Variants in ACAP1 observed in about 807,000 individuals in gnomAD.
ACAP1 encodes the protein ArfGAP with coiled-coil, ankyrin repeat and PH domains 1, also known as arf-GAP with coiled-coil, ANK repeat and PH domain-containing protein 1.
In ACAP1, 45 loss-of-function variants were observed where a neutral mutation model predicts 98.8. That is an observed-to-expected ratio of 0.46 (90% confidence interval 0.36 to 0.58). ACAP1 has a LOEUF of 0.58. Ranked by LOEUF, ACAP1 falls within the 20% of genes least tolerant of loss-of-function variation. The probability of loss-of-function intolerance (pLI) is 0.00; values close to 1 mark genes in which losing one functional copy is unlikely to be tolerated. For synonymous variants in ACAP1, 362 were observed against 375.3 expected (o/e 0.96, Z 0.41); for missense variants, 735 against 971.4 (o/e 0.76, Z 3.24).
Position 7,346,865 on chromosome 17 carries a change from G to A in ACAP1, c.1065G>A (p.Val355=). 1.2e-6 allele frequency: 2 copies of A among 1,613,680 alleles called. No homozygotes were observed. The highest frequency in any genetic ancestry group is 1.7e-6 in the Non-Finnish European group (2 of 1,179,650). ...TCCTGCAGCTGTGGGTCAGTGCTGT[G>A]CAGAGCAGCATTGCTTCTGCCTTCA... ...ERLLQLWVSA[V]QSSIASAFSQ... The change falls in exon 13 of 22, where the codon GTG becomes GTA. Residue 355 remains valine, a synonymous_variant. Coordinates refer to ENST00000158762, the MANE Select transcript of ACAP1 (RefSeq NM_014716.4).
In ACAP1 at chr17:7,344,665, C is replaced by T; in HGVS notation, c.854+17C>T. 6.6e-7 allele frequency: 1 copy of T among 1,519,948 alleles called. No homozygotes were observed. The highest frequency in any genetic ancestry group is 8.9e-7 in the Non-Finnish European group (1 of 1,118,238). 94.2% of individuals were successfully genotyped at this position (1,519,948 alleles called of 1,614,324 possible). A position where few individuals can be genotyped will look rare whatever the true frequency, so the allele number is the denominator to read the frequency against. On this transcript the variant is annotated intron_variant, in intron 10 of 21. Transcript: ENST00000158762. The surrounding 1 kb of genome is among the most constrained non-coding windows in gnomAD (Gnocchi z 4.9). The stretch of plus-strand genomic sequence containing the variant: ...CTGGAGCAGGTGAGGAGAGGACACC[C>T]CCAATCAGCCCGCCCCACCCAATGA...
chr17:7,346,639 A>G (rs2073349257), intron 12 of ACAP1, 148 bp downstream of exon 12: 1 of 1,136,930 alleles, frequency 8.8e-7, no homozygotes, highest in Non-Finnish European at 1.3e-6. Flanking sequence ...ATTGTGGAAG[A>G]GGGTACAGGG....
At chr17:7,348,504 C>A in intron 17 of ACAP1, 29 bp downstream of exon 17, 1 of 1,454,102 alleles carries the variant, frequency 6.9e-7, no homozygotes, top group Non-Finnish European at 9.1e-7. Context: ...ATTCATTGAG[C>A]ATCTGCTGTG....
Position 7,343,541 on chromosome 17 carries a change from G to A in ACAP1, c.507G>A (p.Arg169=). ...LRTARAGYRG[R]ALDYALQINV... The stretch of plus-strand genomic sequence containing the variant: ...CGGCTCGAGCTGGGTACCGGGGACG[G>A]GCACTGGATTATGCCCTGCAGGTGC... The change falls in exon 6 of 22, where the codon CGG becomes CGA. Residue 169 remains arginine (R), a synonymous_variant. Coordinates refer to ENST00000158762, the MANE Select transcript of ACAP1 (RefSeq NM_014716.4). This position sits in a 1 kb window ranked among gnomAD's most constrained non-coding sequence, Gnocchi z 4.9. The A allele has an allele frequency of 6.2e-7, 1 of 1,613,618 alleles. No homozygotes were observed.
At position 7,343,516 on chromosome 17, in the gene ACAP1, C is replaced by T. The variant is rs149368483; in HGVS notation, c.482C>T (p.Thr161Met). ...GAAGAGGCAGGAGCTGCTTTGAGGA[C>T]GGCTCGAGCTGGGTACCGGGGACGG... The part of the protein sequence containing the change: ...EAEEAGAALR[T>M]ARAGYRGRAL... Residue 161 changes from threonine (T) to methionine (M), a missense_variant, in exon 6 of 22, where the codon ACG becomes ATG. Physicochemically the swap from Thr to Met is moderately conservative, Grantham distance 81 (BLOSUM62 -1). This residue lies in a region of ACAP1 where 430 missense variants were observed against 531.8 expected (regional missense o/e 0.81). Coordinates refer to ENST00000158762, the MANE Select transcript of ACAP1 (RefSeq NM_014716.4). The surrounding 1 kb of genome is among the most constrained non-coding windows in gnomAD (Gnocchi z 4.9). 39 of 1,613,948 alleles carry T rather than the reference C, an allele frequency of 2.4e-5. No homozygotes were observed. Among genetic ancestry groups the T allele is most frequent in the Admixed American group, 5.0e-5 (3 of 60,004 alleles).
At chr17:7,341,740 A>T (rs1375858119) in intron 2 of ACAP1, among the ~76,000 whole-genome samples, 3 of 152,210 alleles carry the variant, frequency 2.0e-5, no homozygotes, top group Non-Finnish European at 4.4e-5. Context: ...TTCAGGCCCA[A>T]GGCAGTGGGA....
Position 7,348,185 on chromosome 17 carries a change from C to T in ACAP1, c.1472C>T (p.Ala491Val). The T allele has an allele frequency of 5.6e-6, 9 of 1,614,050 alleles. No homozygotes were observed. The highest frequency in any genetic ancestry group is 7.6e-6 in the Non-Finnish European group (9 of 1,179,950). ...INQIYEARVEAMAVKKPGPSC... is the reference protein window; with the variant it reads ...INQIYEARVEVMAVKKPGPSC... ...CAGATCTATGAGGCCCGCGTGGAGG[C>T]CATGGCAGTGAAGAAACCAGGGCCC... Residue 491 changes from alanine to valine, a missense_variant, in exon 16 of 22, where the codon GCC becomes GTC. By Grantham distance (64) the Ala-to-Val change is moderately conservative. Coordinates refer to ENST00000158762, the MANE Select transcript of ACAP1 (RefSeq NM_014716.4).
intron 2 of ACAP1, among the ~76,000 whole-genome samples, chr17:7,339,060 G>A (rs1236854084): frequency 2.0e-5 from 3 of 150,356 alleles, no homozygotes; most frequent in Non-Finnish European, 3.0e-5. Context: ...GGAGGCCAAG[G>A]TGGGCGGATC....
chr17:7,344,674 C>T lies in ACAP1; in HGVS notation c.854+26C>T. The stretch of plus-strand genomic sequence containing the variant: ...GTGAGGAGAGGACACCCCCAATCAG[C>T]CCGCCCCACCCAATGATGTATTTTC... On this transcript the variant is annotated intron_variant, in intron 10 of 21. Transcript: ENST00000158762. This position sits in a 1 kb window ranked among gnomAD's most constrained non-coding sequence, Gnocchi z 4.9. 2 of 1,490,624 alleles carry T rather than the reference C, an allele frequency of 1.3e-6. No individual in the cohort carries two copies. The highest frequency in any genetic ancestry group is 1.8e-6 in the Non-Finnish European group (2 of 1,091,720). The allele number at this position is 1,490,624 out of a possible 1,614,324, so 92.3% of individuals were successfully genotyped here.
At position 7,339,279 on chromosome 17, in the gene ACAP1, G is replaced by T. The variant is rs138225929; in HGVS notation, c.111+1910G>T. On this transcript the variant is annotated intron_variant, in intron 2 of 21. Transcript: ENST00000158762. ...CACTCCAGCCTGGGCGACAGAGTGA[G>T]ACTGTCTCAATAAACAAAAACAAAC... is the stretch of plus-strand genomic sequence containing the variant. Among the ~76,000 whole-genome samples, 775 of 149,400 alleles carry T rather than the reference G, an allele frequency of 5.2e-3. 4 individuals are homozygous for T. Among genetic ancestry groups the T allele is most frequent in the African/African-American group, 0.018 (733 of 40,516 alleles).
At chr17:7,351,253 A>C (rs773151191) in intron 21 of ACAP1, 42 bp from the exon 22 acceptor site, 61 of 1,532,738 alleles carry the variant, frequency 4.0e-5, no homozygotes, top group Non-Finnish European at 5.4e-5. Flanking sequence ...GCCCTTCTGC[A>C]CTGGGGCCCA....
chr17:7,347,472 G>A (rs1190354418), intron 14 of ACAP1: 1 of 533,930 alleles, frequency 1.9e-6, no homozygotes, highest in African/African-American at 1.9e-5. Context: ...GGGATACCCA[G>A]AATTTGTTGG....
At position 7,336,547 on chromosome 17, in the gene ACAP1, G is replaced by T; in HGVS notation, c.-188G>T. 1 of 602,342 alleles carries T rather than the reference G, an allele frequency of 1.7e-6. No individual in the cohort carries two copies. The highest frequency in any genetic ancestry group is 3.0e-6 in the Non-Finnish European group (1 of 337,212). The allele number at this position is 602,342 out of a possible 1,614,324, so 37.3% of individuals were successfully genotyped here. A position where few individuals can be genotyped will look rare whatever the true frequency, so the allele number is the denominator to read the frequency against. ...CCCTCCCAGCACTGCCTGGAAGTGT[G>T]GGGTGAGAGCTCCTCCTAGGACACC... On this transcript the variant is annotated 5_prime_UTR_variant, in exon 1 of 22. Coordinates refer to ENST00000158762, the MANE Select transcript of ACAP1 (RefSeq NM_014716.4).
At chr17:7,342,362 T>C (rs766526172) in intron 4 of ACAP1, 34 bp downstream of exon 4, 1 of 1,613,960 alleles carries the variant, frequency 6.2e-7, no homozygotes, top group Middle Eastern at 1.6e-4. Flanking sequence ...GTCGGGGTGG[T>C]GGCCAGGTCA....
At chr17:7,342,811 G>C in intron 5 of ACAP1, 1 of 368,066 alleles carries the variant, frequency 2.7e-6, no homozygotes, top group Non-Finnish European at 5.1e-6. Context: ...AGGAGGCCGA[G>C]GCAGGAGAAT....
intron 2 of ACAP1, among the ~76,000 whole-genome samples, chr17:7,341,573 A>G (rs1034347995): frequency 6.6e-6 from 1 of 152,222 alleles, no homozygotes; most frequent in African/African-American, 2.4e-5. Context: ...AACCAGGTAG[A>G]GCATCCAGAC....
intron 16 of ACAP1, 29 bp downstream of exon 16, chr17:7,348,250 A>C: frequency 6.2e-7 from 1 of 1,611,496 alleles, no homozygotes; most frequent in South Asian, 1.1e-5. Context: ...CTCCCAGGGG[A>C]ATGGGGGACC....
Position 7,343,149 on chromosome 17 carries a change from A to G in ACAP1, c.345-230A>G. The stretch of plus-strand genomic sequence containing the variant: ...GTGAGATGGGAGAGAAGGGGGCCTT[A>G]TTTCTCGGAAACCAGCCCTGCTGCC... On this transcript the variant is annotated intron_variant, in intron 5 of 21. Transcript: ENST00000158762. The surrounding 1 kb of genome is among the most constrained non-coding windows in gnomAD (Gnocchi z 4.9). The G allele has an allele frequency of 4.2e-6, 2 of 475,672 alleles. No homozygotes were observed. The highest frequency in any genetic ancestry group is 7.4e-6 in the Non-Finnish European group (2 of 270,636). The allele number at this position is 475,672 out of a possible 1,614,324, so 29.5% of individuals were successfully genotyped here.
In ACAP1 at chr17:7,343,570, C is replaced by T; in HGVS notation, c.528+8C>T. 6.2e-7 allele frequency: 1 copy of T among 1,607,616 alleles called. No homozygotes were observed. Among genetic ancestry groups the T allele is most frequent in the Non-Finnish European group, 8.5e-7 (1 of 1,175,570 alleles). ...CTGGATTATGCCCTGCAGGTGCCTG[C>T]CCCAATCTGTCTTCCTGGGGTACCA... On this transcript the variant is annotated splice_region_variant and intron_variant, in intron 6 of 21. Coordinates refer to ENST00000158762, the MANE Select transcript of ACAP1 (RefSeq NM_014716.4). The surrounding 1 kb of genome is among the most constrained non-coding windows in gnomAD (Gnocchi z 4.9).
Sources: gnomAD v4.1 joint callset for allele counts (sites outside exome capture counted in the v4.1 genomes callset) on GRCh38, gnomAD v4.1.1 for gene constraint, gnomAD v4.1.1 regional missense constraint, Gnocchi (gnomAD v3.1) non-coding constraint, MANE v1.5 for transcripts, NCBI Gene and HGNC (gene_info 2026-07-23, HGNC 2026-07-21) for gene names.